TENM3: variants seen among roughly 807,000 people sequenced by gnomAD.
TENM3 encodes the protein teneurin transmembrane protein 3.
Under a neutral mutation model 255.1 loss-of-function variants are expected in TENM3, and 63 were observed. The ratio of observed to expected loss-of-function variants is 0.25; its 90% confidence interval spans 0.20 to 0.30. The LOEUF (loss-of-function observed/expected upper bound fraction) is 0.30. Among genes scored for constraint, TENM3 ranks in the 10% least tolerant of loss-of-function variants. The pLI is 1.00. For missense variants in TENM3, 2,929 were observed against 3,461.1 expected (o/e 0.85, Z 3.86); for synonymous variants, 1,306 against 1,322.3 (o/e 0.99, Z 0.27).
the TENM3 span, among the ~76,000 whole-genome samples, chr4:181,915,085 G>A: frequency 6.6e-6 from 1 of 152,084 alleles, no homozygotes; most frequent in Non-Finnish European, 1.5e-5. Flanking sequence ...AGTGGTTGGA[G>A]GCCACACTAG....
chr4:181,827,503 C>T, the TENM3 span, among the ~76,000 whole-genome samples: 1 of 152,184 alleles, frequency 6.6e-6, no homozygotes, highest in East Asian at 1.9e-4. Flanking sequence ...CGCTTTTCTG[C>T]TAAAATGCCC....
In TENM3 at chr4:182,330,617, T is replaced by C. The variant is rs796287909; in HGVS notation, c.232+6365T>C. 3.3e-5 allele frequency among the ~76,000 whole-genome samples: 5 copies of C among 152,286 alleles called. No homozygotes were observed. In the East Asian group the frequency reaches 9.6e-4, roughly 29 times the overall value. On this transcript the variant is annotated intron_variant, in intron 2 of 27. Transcript: ENST00000511685. ...AATAGCATTTATCTCTCAGAGTAAA[T>C]GAAAGATACTTAGGTAATGCTGGGA...
chr4:181,495,902 T>TAAAAAAAAAAAAAAAAA, the TENM3 span, among the ~76,000 whole-genome samples: 6 of 116,854 alleles, frequency 5.1e-5, no homozygotes, highest in Non-Finnish European at 5.1e-5. Context: ...AGAGACAAAT[T>TAAAAAAAAAAAAAAAAA]AAAAAAAAAA....
At chr4:181,636,180 G>A in the TENM3 span, among the ~76,000 whole-genome samples, 1 of 152,126 alleles carries the variant, frequency 6.6e-6, no homozygotes, top group Admixed American at 6.5e-5. Flanking sequence ...CGAGTAGCTG[G>A]GACTACAGGT....
the TENM3 span, among the ~76,000 whole-genome samples, chr4:181,986,538 G>GT: frequency 6.6e-6 from 1 of 151,952 alleles, no homozygotes; most frequent in East Asian, 1.9e-4. Context: ...TTTGCCCTTG[G>GT]TATCAGTCTC....
intron 3 of TENM3, among the ~76,000 whole-genome samples, chr4:182,355,692 T>G (rs1765476792): frequency 6.6e-6 from 1 of 152,124 alleles, no homozygotes; most frequent in South Asian, 2.1e-4. Context: ...GAGACCCATT[T>G]AAGTAGAATC....
chr4:181,902,240 A>G, the TENM3 span, among the ~76,000 whole-genome samples: 37 of 151,112 alleles, frequency 2.4e-4, no homozygotes, highest in African/African-American at 7.5e-4. Flanking sequence ...AGTTCCTTGT[A>G]TATTCTGGAT....
the TENM3 span, among the ~76,000 whole-genome samples, chr4:182,062,052 T>C: frequency 2.6e-5 from 4 of 152,320 alleles, no homozygotes; most frequent in South Asian, 8.3e-4. Flanking sequence ...AGGATGTCCT[T>C]ATGTTAGATT....
intron 1 of TENM3, chr4:182,145,028 G>A (rs1749845333): frequency 6.6e-6 from 1 of 152,072 alleles, no homozygotes. Flanking sequence ...CCCCCGTACT[G>A]GGGAGCCCCG....
chr4:182,398,478 A>G (rs1438740037), intron 3 of TENM3, among the ~76,000 whole-genome samples: 2 of 152,192 alleles, frequency 1.3e-5, no homozygotes, highest in Non-Finnish European at 2.9e-5. Flanking sequence ...TGCCCAGTAT[A>G]TATTAGCTGA....
At chr4:181,660,234 C>T in the TENM3 span, among the ~76,000 whole-genome samples, 1 of 152,164 alleles carries the variant, frequency 6.6e-6, no homozygotes, top group Non-Finnish European at 1.5e-5. Context: ...ATGTACAACA[C>T]ACACAGGTTT....
chr4:182,642,171 G>A (rs964015838), intron 5 of TENM3, among the ~76,000 whole-genome samples: 1 of 152,128 alleles, frequency 6.6e-6, no homozygotes, highest in African/African-American at 2.4e-5. Flanking sequence ...TGATCGTGAC[G>A]GTTAACACTT....
intron 3 of TENM3, among the ~76,000 whole-genome samples, chr4:182,584,072 CTTAT>C (rs1336356069): frequency 5.3e-5 from 8 of 152,102 alleles, no homozygotes; most frequent in South Asian, 2.1e-4. Flanking sequence ...AACAGAAGGG[CTTAT>C]TTGTTTTAAA....
the TENM3 span, among the ~76,000 whole-genome samples, chr4:181,991,347 T>C: frequency 6.6e-6 from 1 of 152,244 alleles, no homozygotes; most frequent in African/African-American, 2.4e-5. Flanking sequence ...TCAATATGGA[T>C]TCGCACTAGC....
chr4:181,734,612 G>A, the TENM3 span, among the ~76,000 whole-genome samples: 3 of 152,110 alleles, frequency 2.0e-5, no homozygotes, highest in Non-Finnish European at 4.4e-5. Flanking sequence ...TATTTTACAT[G>A]TAAGTACAAC....
At chr4:182,360,524 T>A (rs1201469287) in intron 3 of TENM3, among the ~76,000 whole-genome samples, 1 of 151,308 alleles carries the variant, frequency 6.6e-6, no homozygotes, top group Admixed American at 6.6e-5. Flanking sequence ...GTCTGTTTTA[T>A]CAGAGACTAG....
At chr4:182,030,011 T>C in the TENM3 span, among the ~76,000 whole-genome samples, 1 of 148,842 alleles carries the variant, frequency 6.7e-6, no homozygotes. Flanking sequence ...TTTTTTTCTT[T>C]TTTTTTTTTG....
chr4:182,496,702 C>T (rs866375805), intron 3 of TENM3, among the ~76,000 whole-genome samples: 14 of 152,198 alleles, frequency 9.2e-5, no homozygotes, highest in Middle Eastern at 6.8e-3. Flanking sequence ...AAAATGTAAG[C>T]GTAACTACTT....
At chr4:182,104,009 A>C in the TENM3 span, among the ~76,000 whole-genome samples, 2 of 152,248 alleles carry the variant, frequency 1.3e-5, no homozygotes, top group Non-Finnish European at 2.9e-5. Flanking sequence ...AAGGATGAGA[A>C]AGTGTCATTG....
Sources: allele counts gnomAD v4.1 joint callset (sites outside exome capture counted in the v4.1 genomes callset), GRCh38; gene constraint gnomAD v4.1.1; transcripts MANE v1.5; gene names NCBI Gene and HGNC (gene_info 2026-07-23, HGNC 2026-07-21).